PLCB4: variants seen among roughly 807,000 people sequenced by gnomAD.
PLCB4 encodes the protein phospholipase C beta 4.
PLCB4 carries 77 observed loss-of-function variants against 178.8 expected under a neutral mutation model. The ratio of observed to expected loss-of-function variants is 0.43; its 90% CI spans 0.36 to 0.52. PLCB4 has a LOEUF of 0.52. Ranked by LOEUF, PLCB4 falls within the 20% of genes least tolerant of loss-of-function variation. The pLI, the probability that PLCB4 is intolerant of heterozygous loss-of-function variation, is 0.00. For synonymous variants in PLCB4, 496 were observed against 490.8 expected (o/e 1.01, Z -0.14); for missense variants, 1,024 against 1,453.4 (o/e 0.70, Z 4.80).
At chr20:9,392,386 T>C (rs962136610) in intron 17 of PLCB4, among the ~76,000 whole-genome samples, 2 of 152,208 alleles carry the variant, frequency 1.3e-5, no homozygotes, top group African/African-American at 4.8e-5. Context: ...TTACTTGGTG[T>C]CCGGTCTATG....
At chr20:9,336,911 T>G (rs2032548047) in intron 4 of PLCB4, among the ~76,000 whole-genome samples, 1 of 152,244 alleles carries the variant, frequency 6.6e-6, no homozygotes, top group East Asian at 1.9e-4. Flanking sequence ...AAACCTATCC[T>G]AGAGCAAGAT....
intron 7 of PLCB4, among the ~76,000 whole-genome samples, chr20:9,339,910 G>A (rs184880640): frequency 2.3e-4 from 35 of 152,266 alleles, no homozygotes; most frequent in South Asian, 4.1e-4. Flanking sequence ...TAAATATTTT[G>A]TCTGCTAATC....
chr20:9,106,281 A>G (rs2091358580), intron 2 of PLCB4, among the ~76,000 whole-genome samples: 1 of 151,796 alleles, frequency 6.6e-6, no homozygotes. Context: ...TTTTGCATCA[A>G]AAGTCATGGC....
intron 1 of PLCB4, among the ~76,000 whole-genome samples, chr20:9,080,368 C>T (rs761113018): frequency 6.6e-6 from 1 of 152,060 alleles, no homozygotes; most frequent in Non-Finnish European, 1.5e-5. Flanking sequence ...TTCTTCTTAC[C>T]TCCAAATTGT....
At chr20:9,208,356 A>G (rs1354163217) in intron 2 of PLCB4, among the ~76,000 whole-genome samples, 1 of 152,230 alleles carries the variant, frequency 6.6e-6, no homozygotes, top group Non-Finnish European at 1.5e-5. Context: ...TGGTACCTGG[A>G]CATAGTAATT....
At chr20:9,241,429 C>A (rs958662283) in intron 3 of PLCB4, among the ~76,000 whole-genome samples, 1 of 151,448 alleles carries the variant, frequency 6.6e-6, no homozygotes, top group African/African-American at 2.4e-5. Flanking sequence ...CTCACTCACT[C>A]CAAACCACAC....
At chr20:9,208,833 A>G (rs573072059) in intron 2 of PLCB4, among the ~76,000 whole-genome samples, 87 of 152,290 alleles carry the variant, frequency 5.7e-4, no homozygotes, top group African/African-American at 2.0e-3. Context: ...GAGCCACCAC[A>G]CTTGACCTGC....
chr20:9,460,440 T>G (rs1272756305), intron 35 of PLCB4, among the ~76,000 whole-genome samples: 1 of 152,224 alleles, frequency 6.6e-6, no homozygotes, highest in Non-Finnish European at 1.5e-5. Flanking sequence ...TTTCCCTTCC[T>G]TACAGTGTTA....
chr20:9,250,224 C>T (rs1451808218), intron 3 of PLCB4, among the ~76,000 whole-genome samples: 1 of 152,200 alleles, frequency 6.6e-6, no homozygotes, highest in Non-Finnish European at 1.5e-5. Context: ...CTCTGGGCAT[C>T]CTACCTTTAT....
chr20:9,136,750 A>G (rs2092392195), intron 2 of PLCB4, among the ~76,000 whole-genome samples: 1 of 152,068 alleles, frequency 6.6e-6, no homozygotes. Flanking sequence ...TCTTTCCATC[A>G]TATACTTACT....
At chr20:9,108,389 A>G (rs745528114) in intron 2 of PLCB4, among the ~76,000 whole-genome samples, 4 of 152,118 alleles carry the variant, frequency 2.6e-5, no homozygotes, top group African/African-American at 4.8e-5. Context: ...CTAATGAAGT[A>G]GGAGGAAAAC....
At chr20:9,459,112 G>C (rs1568883804) in intron 34 of PLCB4, among the ~76,000 whole-genome samples, 1 of 152,266 alleles carries the variant, frequency 6.6e-6, no homozygotes, top group East Asian at 1.9e-4. Flanking sequence ...GGGAGGCCGA[G>C]GCAGGTGGAT....
At chr20:9,367,575 C>T in intron 9 of PLCB4, among the ~76,000 whole-genome samples, 1 of 152,166 alleles carries the variant, frequency 6.6e-6, no homozygotes, top group Admixed American at 6.5e-5. Flanking sequence ...TCAGAGAGCA[C>T]AAAGCAGTGT....
intron 2 of PLCB4, among the ~76,000 whole-genome samples, chr20:9,208,182 G>A (rs1461372966): frequency 6.6e-6 from 1 of 152,176 alleles, no homozygotes; most frequent in Non-Finnish European, 1.5e-5. Context: ...AGGGTCCCAG[G>A]GCCAGTGCAT....
chr20:9,241,238 C>A (rs2094057417), intron 3 of PLCB4, among the ~76,000 whole-genome samples: 1 of 152,018 alleles, frequency 6.6e-6, no homozygotes, highest in Admixed American at 6.6e-5. Flanking sequence ...AATACTGTTA[C>A]CTTTCTCCCC....
intron 3 of PLCB4, among the ~76,000 whole-genome samples, chr20:9,287,799 A>G (rs2094547844): frequency 6.6e-6 from 1 of 152,138 alleles, no homozygotes; most frequent in South Asian, 2.1e-4. Flanking sequence ...TTGAAAGAGA[A>G]TATGCATGAT....
chr20:9,363,044 G>A (rs2035483047), intron 8 of PLCB4, 69 bp downstream of exon 8: 2 of 1,134,990 alleles, frequency 1.8e-6, no homozygotes, highest in Non-Finnish European at 2.6e-6. Flanking sequence ...AAGAGATGAA[G>A]GCTAGGTGGT....
At chr20:9,307,546 C>CAT (rs2094785558) in intron 3 of PLCB4, among the ~76,000 whole-genome samples, 3 of 140,156 alleles carry the variant, frequency 2.1e-5, no homozygotes, top group Admixed American at 1.4e-4. Context: ...CACACACACA[C>CAT]ATCTTGTTAT....
chr20:9,180,991 G>A (rs1387743036), intron 2 of PLCB4, among the ~76,000 whole-genome samples: 1 of 152,136 alleles, frequency 6.6e-6, no homozygotes, highest in African/African-American at 2.4e-5. Context: ...TGTGAGTGAG[G>A]CACTTAAGCT....
Sources: gnomAD v4.1 joint callset for allele counts (sites outside exome capture counted in the v4.1 genomes callset) on GRCh38, gnomAD v4.1.1 for gene constraint, MANE v1.5 for transcripts, NCBI Gene and HGNC (gene_info 2026-07-23, HGNC 2026-07-21) for gene names.